GALNTL6: variants seen among roughly 807,000 people sequenced by gnomAD.
The protein encoded by GALNTL6 is polypeptide N-acetylgalactosaminyltransferase like 6, also known as polypeptide N-acetylgalactosaminyltransferase-like 6.
GALNTL6 carries 46 observed loss-of-function variants against 73.7 expected under a neutral mutation model. The ratio of observed to expected loss-of-function variants is 0.62; its 90% confidence interval spans 0.49 to 0.80. GALNTL6 has a LOEUF of 0.80. GALNTL6 is among the 30% of genes least tolerant of loss of function. The pLI, the probability that GALNTL6 is intolerant of heterozygous loss-of-function variation, is 0.00. For synonymous variants in GALNTL6, 259 were observed against 263.7 expected, an observed-to-expected ratio of 0.98 and a Z score of 0.17; for missense variants, 604 against 755.0, an observed-to-expected ratio of 0.80 and a Z score of 2.34.
At chr4:171,824,727 CATTTTT>C (rs1734778657) in intron 2 of GALNTL6, among the ~76,000 whole-genome samples, 2 of 152,066 alleles carry the variant, frequency 1.3e-5, no homozygotes, top group African/African-American at 2.4e-5. Context: ...TACATTTTTG[CATTTTT>C]ATTTTTATTT....
intron 5 of GALNTL6, among the ~76,000 whole-genome samples, chr4:172,604,414 A>T (rs1372126945): frequency 5.9e-5 from 9 of 152,184 alleles, no homozygotes; most frequent in African/African-American, 2.2e-4. Flanking sequence ...CTGTCCAGAG[A>T]GCAAATAGAC....
At chr4:172,827,195 G>A (rs767369978) in intron 7 of GALNTL6, among the ~76,000 whole-genome samples, 5 of 152,086 alleles carry the variant, frequency 3.3e-5, no homozygotes, top group Admixed American at 1.3e-4. Flanking sequence ...CAAGAGGCCC[G>A]GTTGCAGGCT....
In GALNTL6 at chr4:172,193,760, G is replaced by A. The variant is rs2110884683; in HGVS notation, c.139-35896G>A. ...TGCCTGTAGTCCCAGCTACTTGGGAGGCTGAGGCAGGAGAATGGCGTGAAC... is the reference window on the plus strand; with the variant it reads ...TGCCTGTAGTCCCAGCTACTTGGGAAGCTGAGGCAGGAGAATGGCGTGAAC... On this transcript the variant is annotated intron_variant, in intron 2 of 12. Transcript: ENST00000506823. Among the ~76,000 whole-genome samples, 2 of 152,262 alleles carry A rather than the reference G, an allele frequency of 1.3e-5. 1 individual carries two copies. The highest frequency in any genetic ancestry group is 4.1e-4 in the South Asian group (2 of 4,826).
At chr4:172,503,299 A>G (rs949564735) in intron 5 of GALNTL6, among the ~76,000 whole-genome samples, 5 of 152,070 alleles carry the variant, frequency 3.3e-5, no homozygotes, top group African/African-American at 9.7e-5. Flanking sequence ...CATGGCCTAC[A>G]TATTGCTTAA....
chr4:171,816,400 A>G (rs1432141820), intron 2 of GALNTL6: 1 of 152,008 alleles, frequency 6.6e-6, no homozygotes, highest in Non-Finnish European at 1.5e-5. Context: ...CTGATCTGTC[A>G]TTATAATAAT....
intron 5 of GALNTL6, among the ~76,000 whole-genome samples, chr4:172,568,582 C>T (rs1736644984): frequency 1.3e-5 from 2 of 151,492 alleles, no homozygotes; most frequent in Non-Finnish European, 2.9e-5. Context: ...CGGTGAAACC[C>T]CGTCTCTACT....
intron 2 of GALNTL6, among the ~76,000 whole-genome samples, chr4:172,198,848 A>T (rs1285810681): frequency 2.0e-5 from 3 of 152,202 alleles, no homozygotes; most frequent in Non-Finnish European, 4.4e-5. Flanking sequence ...AGCCAGCCAT[A>T]ATGTACTACT....
intron 3 of GALNTL6, among the ~76,000 whole-genome samples, chr4:172,286,061 C>G (rs1739234849): frequency 6.6e-6 from 1 of 152,162 alleles, no homozygotes; most frequent in East Asian, 1.9e-4. Flanking sequence ...CTTCCTAAAT[C>G]CAAATTCAAT....
intron 5 of GALNTL6, among the ~76,000 whole-genome samples, chr4:172,761,119 A>G (rs1291080581): frequency 6.6e-6 from 1 of 152,142 alleles, no homozygotes; most frequent in African/African-American, 2.4e-5. Flanking sequence ...TTATACAATG[A>G]TGTTGTCCCT....
chr4:171,973,572 C>T (rs1739632638), intron 2 of GALNTL6, among the ~76,000 whole-genome samples: 1 of 152,032 alleles, frequency 6.6e-6, no homozygotes, highest in Admixed American at 6.6e-5. Context: ...GAATTAAGGC[C>T]CATCATAATT....
At chr4:172,360,153 G>A (rs1005408861) in intron 5 of GALNTL6, among the ~76,000 whole-genome samples, 10 of 152,142 alleles carry the variant, frequency 6.6e-5, no homozygotes, top group Non-Finnish European at 1.5e-4. Flanking sequence ...GTCACATTGA[G>A]CAGCAAAGAT....
At chr4:171,926,978 G>A (rs1738002887) in intron 2 of GALNTL6, among the ~76,000 whole-genome samples, 1 of 151,728 alleles carries the variant, frequency 6.6e-6, no homozygotes, top group African/African-American at 2.4e-5. Flanking sequence ...TTGTTAAAAT[G>A]GTCCTCATAT....
chr4:172,282,778 G>A, intron 3 of GALNTL6, among the ~76,000 whole-genome samples: 1 of 151,980 alleles, frequency 6.6e-6, no homozygotes, highest in East Asian at 1.9e-4. Context: ...GATTCAAAAT[G>A]TATTTTGGAG....
At chr4:172,191,300 G>A (rs2110878682) in intron 2 of GALNTL6, among the ~76,000 whole-genome samples, 1 of 152,134 alleles carries the variant, frequency 6.6e-6, no homozygotes, top group African/African-American at 2.4e-5. Context: ...TGCTGCCCTT[G>A]GTCTCCATAG....
chr4:172,304,284 T>G (rs779237248), intron 3 of GALNTL6, among the ~76,000 whole-genome samples: 1 of 152,222 alleles, frequency 6.6e-6, no homozygotes, highest in Non-Finnish European at 1.5e-5. Flanking sequence ...GTACCTGTTA[T>G]GTGGCAGTCA....
intron 5 of GALNTL6, among the ~76,000 whole-genome samples, chr4:172,555,386 G>T (rs1253751367): frequency 6.6e-6 from 1 of 152,002 alleles, no homozygotes; most frequent in Non-Finnish European, 1.5e-5. Context: ...GAACTTTACA[G>T]AAACTAAGTG....
Position 172,692,776 on chromosome 4 carries a change from G to A in GALNTL6, c.554-116585G>A, listed in dbSNP as rs960842329. Reference sequence around the variant, plus strand: ...AATTGCAGTATTCTGAATACATCCTGTGGTGGAAGTTAGGATTGTCTATAA... The same window carrying A: ...AATTGCAGTATTCTGAATACATCCTATGGTGGAAGTTAGGATTGTCTATAA... On this transcript the variant is annotated intron_variant, in intron 5 of 12. Coordinates refer to ENST00000506823, the MANE Select transcript of GALNTL6 (RefSeq NM_001034845.3). 2.0e-5 allele frequency among the ~76,000 whole-genome samples: 3 copies of A among 152,130 alleles called. No individual in the cohort carries two copies. The East Asian group carries it at 5.8e-4, about 29-fold the overall frequency.
At chr4:172,965,265 A>G (rs1750270310) in intron 10 of GALNTL6, among the ~76,000 whole-genome samples, 1 of 152,232 alleles carries the variant, frequency 6.6e-6, no homozygotes, top group Admixed American at 6.5e-5. Flanking sequence ...AGACAGGGCT[A>G]TGAAGACAAA....
At chr4:171,959,107 A>C (rs1404648495) in intron 2 of GALNTL6, among the ~76,000 whole-genome samples, 1 of 152,206 alleles carries the variant, frequency 6.6e-6, no homozygotes. Context: ...TTATATTTGT[A>C]GTAAGGAAGA....
Sources: gnomAD v4.1 joint callset for allele counts (sites outside exome capture counted in the v4.1 genomes callset) on GRCh38, gnomAD v4.1.1 for gene constraint, MANE v1.5 for transcripts, NCBI Gene and HGNC (gene_info 2026-07-23, HGNC 2026-07-21) for gene names.